Variants in ACVR1C observed in about 807,000 individuals in gnomAD.
The protein encoded by ACVR1C is activin receptor type-1C.
In ACVR1C, 23 loss-of-function variants were observed where a neutral mutation model predicts 57.9. That is an observed-to-expected ratio of 0.40 (90% CI 0.29 to 0.56). The LOEUF (loss-of-function observed/expected upper bound fraction) is 0.56, where lower values mean the gene tolerates loss of function less well. ACVR1C is among the 20% of genes least tolerant of loss of function. The probability of loss-of-function intolerance (pLI) is 0.50; values close to 1 mark genes in which losing one functional copy is unlikely to be tolerated. For synonymous variants in ACVR1C, 214 were observed against 215.3 expected (o/e 0.99, Z 0.05); for missense variants, 480 against 607.9 (o/e 0.79, Z 2.21).
At chr2:157,608,112 A>C (rs1376829071) in intron 1 of ACVR1C, among the ~76,000 whole-genome samples, 1 of 151,662 alleles carries the variant, frequency 6.6e-6, no homozygotes, top group African/African-American at 2.4e-5. Flanking sequence ...ATGATGTTAG[A>C]TGTTGGTTTG....
In ACVR1C at chr2:157,628,585, G is replaced by A; in HGVS notation, c.60C>T (p.Ala20=). ...RQALLLLAAA[A]ELSPGLKCVC... ...CCAGCACCGTACCTGGCGAGAGCTC[G>A]GCGGCCGCTGCGAGCAGCAGGAGAG... The change falls in exon 1 of 9, where the codon GCC becomes GCT. Residue 20 remains alanine (A), a synonymous_variant. Coordinates refer to ENST00000243349, the MANE Select transcript of ACVR1C (RefSeq NM_145259.3). The A allele has an allele frequency of 6.2e-7, 1 of 1,607,386 alleles. No homozygotes were observed. Among genetic ancestry groups the A allele is most frequent in the Non-Finnish European group, 8.5e-7 (1 of 1,177,572 alleles).
intron 1 of ACVR1C, among the ~76,000 whole-genome samples, chr2:157,594,542 A>T (rs1682039030): frequency 6.6e-6 from 1 of 152,150 alleles, no homozygotes; most frequent in South Asian, 2.1e-4. Context: ...TAATATTAAA[A>T]ATTGTTTATC....
At position 157,531,666 on chromosome 2, in the gene ACVR1C, A is replaced by G. The variant is rs574091091; in HGVS notation, c.*2252T>C. ...GCAGAAAAACAATCTATGAGAAATT[A>G]GTAACAAGAACAAGCAAGATTACCC... On this transcript the variant is annotated 3_prime_UTR_variant, in exon 9 of 9. Transcript: ENST00000243349. The G allele has an allele frequency of 3.9e-5, 6 of 152,280 alleles. No individual in the cohort carries two copies. In the East Asian group the frequency reaches 1.2e-3, roughly 29 times the overall value. The allele number at this position is 152,280 out of a possible 1,614,324, so 9.4% of individuals were successfully genotyped here.
At chr2:157,586,978 G>A (rs140155753) in intron 2 of ACVR1C, among the ~76,000 whole-genome samples, 60 of 152,110 alleles carry the variant, frequency 3.9e-4, no homozygotes, top group African/African-American at 1.2e-3. Flanking sequence ...AAATTGTTAC[G>A]TTATTGTCAA....
At chr2:157,581,913 GA>G (rs1688800960) in intron 2 of ACVR1C, among the ~76,000 whole-genome samples, 1 of 152,220 alleles carries the variant, frequency 6.6e-6, no homozygotes, top group Non-Finnish European at 1.5e-5. Context: ...CCTACAGGCA[GA>G]GGGGGAGATG....
At chr2:157,558,305 G>A (rs188369953) in intron 2 of ACVR1C, among the ~76,000 whole-genome samples, 8 of 152,294 alleles carry the variant, frequency 5.3e-5, no homozygotes, top group African/African-American at 1.9e-4. Flanking sequence ...CAATGATAAC[G>A]GGCCTTGATA....
At position 157,527,070 on chromosome 2, in the gene ACVR1C, T is replaced by G. The variant is rs1018955147; in HGVS notation, c.*6848A>C. The G allele has an allele frequency of 9.2e-5, 14 of 152,152 alleles. No homozygotes were observed. Among genetic ancestry groups the G allele is most frequent in the African/African-American group, 3.1e-4 (13 of 41,456 alleles). The allele number at this position is 152,152 out of a possible 1,614,324, so 9.4% of individuals were successfully genotyped here. A position where few individuals can be genotyped will look rare whatever the true frequency, so the allele number is the denominator to read the frequency against. On this transcript the variant is annotated 3_prime_UTR_variant, in exon 9 of 9. Coordinates refer to ENST00000243349, the MANE Select transcript of ACVR1C (RefSeq NM_145259.3). ...ATTCTAAAACACTATTATTTCTAAA[T>G]AAAATAAGTCTATACATATTACTAT... is the stretch of plus-strand genomic sequence containing the variant.
intron 1 of ACVR1C, among the ~76,000 whole-genome samples, chr2:157,612,152 A>G (rs1395479483): frequency 1.3e-5 from 2 of 152,150 alleles, no homozygotes; most frequent in Non-Finnish European, 2.9e-5. Context: ...GGTGACCACA[A>G]TCCCAAACAG....
intron 2 of ACVR1C, among the ~76,000 whole-genome samples, chr2:157,572,954 G>A (rs897150158): frequency 2.0e-5 from 3 of 152,050 alleles, no homozygotes; most frequent in South Asian, 2.1e-4. Context: ...GCATGCACAT[G>A]TCACCTTTTC....
At chr2:157,555,355 A>G (rs375496098) in intron 3 of ACVR1C, among the ~76,000 whole-genome samples, 22 of 151,168 alleles carry the variant, frequency 1.5e-4, no homozygotes, top group East Asian at 1.2e-3. Flanking sequence ...TCCTGACCTC[A>G]TGATCCACCC....
intron 1 of ACVR1C, among the ~76,000 whole-genome samples, chr2:157,596,715 A>G (rs1276953438): frequency 6.6e-6 from 1 of 152,228 alleles, no homozygotes; most frequent in Admixed American, 6.5e-5. Flanking sequence ...GCTAATATAC[A>G]AATCTCCTTG....
intron 7 of ACVR1C, among the ~76,000 whole-genome samples, chr2:157,540,170 A>G (rs1372408057): frequency 6.7e-6 from 1 of 150,298 alleles, no homozygotes; most frequent in Non-Finnish European, 1.5e-5. Context: ...AATTACAACT[A>G]AGTAACTTGC....
intron 2 of ACVR1C, among the ~76,000 whole-genome samples, chr2:157,579,067 G>A (rs909880922): frequency 6.6e-6 from 1 of 152,050 alleles, no homozygotes; most frequent in Non-Finnish European, 1.5e-5. Context: ...TGTCTTTGGT[G>A]TTCTGTAGTT....
chr2:157,555,542 T>C (rs1333051355), intron 3 of ACVR1C, among the ~76,000 whole-genome samples: 3 of 152,234 alleles, frequency 2.0e-5, no homozygotes, highest in African/African-American at 7.2e-5. Context: ...ATCTTCTGTT[T>C]CTTTGCTTTA....
intron 3 of ACVR1C, among the ~76,000 whole-genome samples, chr2:157,553,912 G>C (rs1341910925): frequency 6.6e-6 from 1 of 151,958 alleles, no homozygotes; most frequent in South Asian, 2.1e-4. Flanking sequence ...GCCAGGTGCA[G>C]TGGCTCACAC....
chr2:157,553,223 G>A (rs1687961989), intron 3 of ACVR1C, among the ~76,000 whole-genome samples: 1 of 152,126 alleles, frequency 6.6e-6, no homozygotes, highest in African/African-American at 2.4e-5. Flanking sequence ...TTTTATGACT[G>A]AAGCCTCACT....
intron 1 of ACVR1C, among the ~76,000 whole-genome samples, chr2:157,627,435 A>T (rs542116178): frequency 6.6e-6 from 1 of 152,216 alleles, no homozygotes; most frequent in Non-Finnish European, 1.5e-5. Flanking sequence ...TTGTCAATTA[A>T]TCCTTTTCAA....
intron 7 of ACVR1C, among the ~76,000 whole-genome samples, chr2:157,540,221 G>A (rs542852011): frequency 6.6e-6 from 1 of 152,296 alleles, no homozygotes; most frequent in Non-Finnish European, 1.5e-5. Context: ...CCAACGCTTA[G>A]TCCTAAGTCT....
chr2:157,596,147 A>G (rs759806194), intron 1 of ACVR1C, among the ~76,000 whole-genome samples: 9 of 152,194 alleles, frequency 5.9e-5, no homozygotes, highest in Non-Finnish European at 1.2e-4. Context: ...TGTCCATGCT[A>G]TTTATCTCTT....
Sources: gnomAD v4.1 joint callset for allele counts (sites outside exome capture counted in the v4.1 genomes callset) on GRCh38, gnomAD v4.1.1 for gene constraint, MANE v1.5 for transcripts, NCBI Gene and HGNC (gene_info 2026-07-23, HGNC 2026-07-21) for gene names.